ADAMTS17: variants seen among roughly 807,000 people sequenced by gnomAD.
ADAMTS17 encodes A disintegrin and metalloproteinase with thrombospondin motifs 17.
In ADAMTS17, 113 loss-of-function variants were observed where a neutral mutation model predicts 141.5. The ratio of observed to expected loss-of-function variants is 0.80; its 90% confidence interval spans 0.69 to 0.93. ADAMTS17 has a LOEUF of 0.93. Among genes scored for constraint, ADAMTS17 ranks in the 40% least tolerant of loss-of-function variants. The probability of loss-of-function intolerance (pLI) is 0.00; values close to 1 mark genes in which losing one functional copy is unlikely to be tolerated. For missense variants in ADAMTS17, 1,659 were observed against 1,517.9 expected (o/e 1.09, Z -1.54); for synonymous variants, 768 against 630.6 (o/e 1.22, Z -3.27).
intron 7 of ADAMTS17, among the ~76,000 whole-genome samples, chr15:100,203,734 CA>C (rs1267236285): frequency 1.3e-5 from 2 of 151,722 alleles, no homozygotes; most frequent in African/African-American, 4.8e-5. Context: ...AAAAACAAAA[CA>C]AAAAAACACC....
intron 18 of ADAMTS17, among the ~76,000 whole-genome samples, chr15:100,023,898 A>T (rs1427897931): frequency 6.6e-6 from 1 of 152,212 alleles, no homozygotes; most frequent in Non-Finnish European, 1.5e-5. Context: ...TATAAATTTA[A>T]TTCATGCACA....
At chr15:100,333,899 C>A (rs956853420) in intron 2 of ADAMTS17, among the ~76,000 whole-genome samples, 2 of 152,204 alleles carry the variant, frequency 1.3e-5, no homozygotes, top group Non-Finnish European at 2.9e-5. Context: ...GAACTGGCAG[C>A]CCTGAAGCCC....
chr15:100,068,139 G>C (rs1335821865), intron 15 of ADAMTS17, among the ~76,000 whole-genome samples: 1 of 152,092 alleles, frequency 6.6e-6, no homozygotes, highest in Non-Finnish European at 1.5e-5. Flanking sequence ...CTACACCCAC[G>C]GAGCCTCGCT....
intron 10 of ADAMTS17, among the ~76,000 whole-genome samples, chr15:100,135,443 C>T (rs573543166): frequency 5.3e-5 from 8 of 152,146 alleles, no homozygotes; most frequent in African/African-American, 1.9e-4. Context: ...GCCACCACAC[C>T]CGGCTAATTT....
chr15:100,060,007 A>T (rs2032990267), intron 15 of ADAMTS17, among the ~76,000 whole-genome samples: 1 of 152,220 alleles, frequency 6.6e-6, no homozygotes, highest in South Asian at 2.1e-4. Flanking sequence ...GTGCACTTGA[A>T]ATCAGGATAT....
intron 3 of ADAMTS17, among the ~76,000 whole-genome samples, chr15:100,322,691 T>C (rs1443603453): frequency 6.6e-6 from 1 of 152,178 alleles, no homozygotes; most frequent in Non-Finnish European, 1.5e-5. Flanking sequence ...TAAAGGAAAA[T>C]GTGCTCATGA....
intron 12 of ADAMTS17, among the ~76,000 whole-genome samples, chr15:100,125,490 C>G (rs1567216321): frequency 6.6e-6 from 1 of 152,138 alleles, no homozygotes; most frequent in African/African-American, 2.4e-5. Context: ...GGCGGCACCT[C>G]ATGATGACCC....
At chr15:100,205,567 C>G (rs1194784007) in intron 7 of ADAMTS17, among the ~76,000 whole-genome samples, 1 of 152,156 alleles carries the variant, frequency 6.6e-6, no homozygotes, top group Non-Finnish European at 1.5e-5. Context: ...GTGTGCCTCT[C>G]TTCGGAGAAC....
At chr15:100,158,844 A>G (rs1187505012) in intron 8 of ADAMTS17, among the ~76,000 whole-genome samples, 2 of 152,254 alleles carry the variant, frequency 1.3e-5, no homozygotes, top group Non-Finnish European at 2.9e-5. Flanking sequence ...GAAGACATAC[A>G]AATGGCCAGC....
chr15:100,132,376 A>G (rs2038097023), intron 11 of ADAMTS17, among the ~76,000 whole-genome samples: 1 of 152,262 alleles, frequency 6.6e-6, no homozygotes, highest in Non-Finnish European at 1.5e-5. Flanking sequence ...CTCAACTTTC[A>G]GATGGATGTG....
intron 14 of ADAMTS17, among the ~76,000 whole-genome samples, chr15:100,104,686 G>A (rs546420512): frequency 6.6e-6 from 1 of 152,286 alleles, no homozygotes; most frequent in South Asian, 2.1e-4. Context: ...AAATGTGGGT[G>A]ATTTGTATGT....
intron 3 of ADAMTS17, among the ~76,000 whole-genome samples, chr15:100,321,502 A>AG (rs2045733021): frequency 1.3e-5 from 2 of 152,242 alleles, no homozygotes; most frequent in African/African-American, 2.4e-5. Context: ...AATAAAACTA[A>AG]GGGAAAAGAA....
At chr15:100,072,594 A>G (rs55838135) in intron 15 of ADAMTS17, among the ~76,000 whole-genome samples, 10,959 of 152,248 alleles carry the variant, frequency 0.072, 566 homozygotes, top group South Asian at 0.12. Flanking sequence ...GCCCTCAGAA[A>G]TAATACTGCA....
At chr15:99,978,379 A>C (rs950692041) in intron 20 of ADAMTS17, 2 of 152,180 alleles carry the variant, frequency 1.3e-5, no homozygotes, top group African/African-American at 4.8e-5. Context: ...TCAGCTCACA[A>C]AGGAGGTGTG....
chr15:100,122,604 T>C (rs2037506105), intron 12 of ADAMTS17, among the ~76,000 whole-genome samples: 1 of 152,250 alleles, frequency 6.6e-6, no homozygotes, highest in South Asian at 2.1e-4. Context: ...AATTAACTAT[T>C]AATAGCCTAT....
intron 4 of ADAMTS17, among the ~76,000 whole-genome samples, chr15:100,263,332 A>G (rs1752754649): frequency 6.6e-6 from 1 of 152,214 alleles, no homozygotes; most frequent in Non-Finnish European, 1.5e-5. Flanking sequence ...ACAGCCAGTC[A>G]CAATGGCTTG....
chr15:100,253,455 T>G (rs566902863), intron 7 of ADAMTS17, among the ~76,000 whole-genome samples: 1 of 10,986 alleles, frequency 9.1e-5, no homozygotes, highest in Non-Finnish European at 1.5e-4. Flanking sequence ...GAGGGGAAGG[T>G]AGAGGGGGAG....
chr15:100,220,410 A>G (rs1409205658), intron 7 of ADAMTS17, among the ~76,000 whole-genome samples: 4 of 152,204 alleles, frequency 2.6e-5, no homozygotes, highest in Non-Finnish European at 5.9e-5. Flanking sequence ...ATTCAAACAC[A>G]GAAAAGTAGA....
intron 18 of ADAMTS17, among the ~76,000 whole-genome samples, chr15:100,007,625 T>C (rs1401795215): frequency 6.6e-6 from 1 of 151,958 alleles, no homozygotes; most frequent in Non-Finnish European, 1.5e-5. Context: ...GCAAGAAATG[T>C]CAGGCTCAGG....
Sources: gnomAD v4.1 joint callset for allele counts (sites outside exome capture counted in the v4.1 genomes callset) on GRCh38, gnomAD v4.1.1 for gene constraint, MANE v1.5 for transcripts, NCBI Gene and HGNC (gene_info 2026-07-23, HGNC 2026-07-21) for gene names.